The following CACNA2D3 variants were observed in gnomAD, a reference collection of about 807,000 sequenced individuals.
The protein encoded by CACNA2D3 is calcium voltage-gated channel auxiliary subunit alpha2delta 3, also known as voltage-dependent calcium channel subunit alpha-2/delta-3.
CACNA2D3 carries 60 observed loss-of-function variants against 160.6 expected under a neutral mutation model. That is an observed-to-expected ratio of 0.37 (90% CI 0.30 to 0.46). The LOEUF (loss-of-function observed/expected upper bound fraction) is 0.46. CACNA2D3 is among the 20% of genes least tolerant of loss of function. The pLI, the probability that CACNA2D3 is intolerant of heterozygous loss-of-function variation, is 1.00. For synonymous variants in CACNA2D3, 558 were observed against 492.9 expected, an observed-to-expected ratio of 1.13 and a Z score of -1.75; for missense variants, 1,205 against 1,365.0, an observed-to-expected ratio of 0.88 and a Z score of 1.85.
chr3:54,925,513 G>GA (rs749448487), intron 27 of CACNA2D3, among the ~76,000 whole-genome samples: 1 of 152,124 alleles, frequency 6.6e-6, no homozygotes, highest in South Asian at 2.1e-4. Context: ...ATAGAAGGGT[G>GA]AAAAAAAATA....
intron 5 of CACNA2D3, among the ~76,000 whole-genome samples, chr3:54,519,197 C>T (rs78679369): frequency 0.012 from 1,017 of 82,342 alleles, 17 homozygotes; most frequent in African/African-American, 0.044. Flanking sequence ...ATTTCACACT[C>T]GTGGAGTCAT....
intron 27 of CACNA2D3, among the ~76,000 whole-genome samples, chr3:54,932,010 A>G (rs1230981377): frequency 6.6e-6 from 1 of 151,972 alleles, no homozygotes; most frequent in Non-Finnish European, 1.5e-5. Context: ...GTTAAACCCC[A>G]TCTCTACCAA....
intron 35 of CACNA2D3, among the ~76,000 whole-genome samples, chr3:55,049,477 A>G (rs1371264418): frequency 5.4e-5 from 7 of 129,296 alleles, no homozygotes; most frequent in Non-Finnish European, 1.1e-4. Flanking sequence ...ATAGTTTGTT[A>G]TAATTTCTGT....
Position 54,473,829 on chromosome 3 carries a change from A to G in CACNA2D3, c.382-29663A>G, listed in dbSNP as rs574712659. 6.6e-5 allele frequency among the ~76,000 whole-genome samples: 10 copies of G among 152,312 alleles called. 1 individual carries two copies. The South Asian group carries it at 1.2e-3, about 19-fold the overall frequency. On this transcript the variant is annotated intron_variant, in intron 4 of 37. Coordinates refer to ENST00000474759, the MANE Select transcript of CACNA2D3 (RefSeq NM_018398.3). ...TAGAGAAATGCAAATCAGAACCACA[A>G]TGAGATACCATCTCACCCCATGACG...
Position 54,391,383 on chromosome 3 carries a change from T to C in CACNA2D3, c.381+4609T>C, listed in dbSNP as rs142299137. ...TTGTTAGTTGTTAACAAAAACTGTA[T>C]TGGGGCAAGAGGCAAAATGCAGCTC... On this transcript the variant is annotated intron_variant, in intron 4 of 37. Coordinates refer to ENST00000474759, the MANE Select transcript of CACNA2D3 (RefSeq NM_018398.3). Among the ~76,000 whole-genome samples the C allele has an allele frequency of 6.7e-3, 1,015 of 152,290 alleles. 13 individuals carry two copies. The highest frequency in any genetic ancestry group is 0.023 in the African/African-American group (968 of 41,560).
intron 5 of CACNA2D3, among the ~76,000 whole-genome samples, chr3:54,524,823 A>G (rs1701699742): frequency 6.6e-6 from 1 of 152,090 alleles, no homozygotes; most frequent in Admixed American, 6.5e-5. Context: ...TTGTTAATAG[A>G]ACAAGAAGGG....
At chr3:54,224,207 A>G (rs985549528) in intron 2 of CACNA2D3, among the ~76,000 whole-genome samples, 1 of 152,128 alleles carries the variant, frequency 6.6e-6, no homozygotes, top group Non-Finnish European at 1.5e-5. Context: ...GAGAGCTGTC[A>G]TCTCCTGCGA....
intron 2 of CACNA2D3, among the ~76,000 whole-genome samples, chr3:54,224,278 CT>C (rs35580812): frequency 4.0e-5 from 6 of 149,652 alleles, no homozygotes; most frequent in Admixed American, 6.6e-5. Flanking sequence ...TTCCATTTAA[CT>C]TTTTTTTTTA....
At chr3:54,228,723 A>G (rs1208491017) in intron 2 of CACNA2D3, among the ~76,000 whole-genome samples, 1 of 152,214 alleles carries the variant, frequency 6.6e-6, no homozygotes, top group Non-Finnish European at 1.5e-5. Flanking sequence ...TACACTGTGG[A>G]AACTGGATAA....
At chr3:54,923,649 G>T (rs942385059) in intron 27 of CACNA2D3, among the ~76,000 whole-genome samples, 1 of 152,226 alleles carries the variant, frequency 6.6e-6, no homozygotes, top group Non-Finnish European at 1.5e-5. Flanking sequence ...CATACAAAAG[G>T]CACTCAAATA....
intron 2 of CACNA2D3, among the ~76,000 whole-genome samples, chr3:54,301,281 C>T (rs1336722133): frequency 7.5e-6 from 1 of 132,566 alleles, no homozygotes; most frequent in Non-Finnish European, 1.7e-5. Flanking sequence ...ACAACAACAA[C>T]AAACAAACAA....
chr3:54,789,973 G>A (rs780479728), intron 13 of CACNA2D3: 16 of 415,926 alleles, frequency 3.8e-5, no homozygotes, highest in Non-Finnish European at 6.8e-5. Context: ...GGAGCTATTC[G>A]AGAAAGAGTC....
chr3:54,936,163 C>CAA (rs539489771), intron 27 of CACNA2D3, among the ~76,000 whole-genome samples: 93 of 127,986 alleles, frequency 7.3e-4, no homozygotes, highest in African/African-American at 2.3e-3. Context: ...AGAATCATAG[C>CAA]AAAAAAAAAA....
intron 14 of CACNA2D3, among the ~76,000 whole-genome samples, chr3:54,824,014 C>A (rs1051809487): frequency 3.9e-5 from 6 of 152,036 alleles, no homozygotes; most frequent in Non-Finnish European, 8.8e-5. Context: ...CTGCTAAGCC[C>A]AACTCTCCCA....
chr3:54,878,812 C>T, intron 18 of CACNA2D3: 1 of 410,876 alleles, frequency 2.4e-6, no homozygotes. Context: ...ACACGAGCTC[C>T]CCAAATTAAA....
chr3:54,727,088 T>C (rs914007890), intron 11 of CACNA2D3, among the ~76,000 whole-genome samples: 2 of 152,116 alleles, frequency 1.3e-5, no homozygotes, highest in African/African-American at 4.8e-5. Flanking sequence ...CATCAAAAAG[T>C]GGGCAAAGGA....
At chr3:54,631,188 A>G (rs1699229570) in intron 10 of CACNA2D3, among the ~76,000 whole-genome samples, 2 of 146,634 alleles carry the variant, frequency 1.4e-5, no homozygotes, top group Admixed American at 7.0e-5. Context: ...TGGGTGACAG[A>G]GCGAGACTCC....
intron 31 of CACNA2D3, among the ~76,000 whole-genome samples, chr3:54,996,997 G>A (rs1337316222): frequency 6.6e-6 from 1 of 152,012 alleles, no homozygotes; most frequent in Non-Finnish European, 1.5e-5. Flanking sequence ...ACAGGGAGGG[G>A]AACATCACAC....
chr3:54,964,934 A>T (rs951772051), intron 27 of CACNA2D3, among the ~76,000 whole-genome samples: 1 of 151,716 alleles, frequency 6.6e-6, no homozygotes, highest in Non-Finnish European at 1.5e-5. Context: ...TTCCCATTTT[A>T]TAGGCCCTTT....
Sources: allele counts gnomAD v4.1 joint callset (sites outside exome capture counted in the v4.1 genomes callset), GRCh38; gene constraint gnomAD v4.1.1; transcripts MANE v1.5; gene names NCBI Gene and HGNC (gene_info 2026-07-23, HGNC 2026-07-21).